Variants in ZRANB1 observed in about 807,000 individuals in gnomAD.
ZRANB1 encodes ubiquitin thioesterase ZRANB1.
Under a neutral mutation model 80.5 loss-of-function variants are expected in ZRANB1, and 16 were observed. The ratio of observed to expected loss-of-function variants is 0.20; its 90% CI spans 0.13 to 0.30. The LOEUF is 0.30. ZRANB1 is among the 10% of genes least tolerant of loss of function. The probability of loss-of-function intolerance (pLI) is 1.00; values close to 1 mark genes in which losing one functional copy is unlikely to be tolerated. For synonymous variants in ZRANB1, 291 were observed against 293.1 expected (o/e 0.99, Z 0.07); for missense variants, 576 against 862.6 (o/e 0.67, Z 4.16).
chr10:124,943,545 G>GTATA (rs756402215), intron 1 of ZRANB1, among the ~76,000 whole-genome samples: 1 of 149,674 alleles, frequency 6.7e-6, no homozygotes. Flanking sequence ...GTGTGTGTGT[G>GTATA]TATATATATA....
At chr10:124,981,970 C>A in intron 6 of ZRANB1, 141 bp downstream of exon 6, 1 of 936,838 alleles carries the variant, frequency 1.1e-6, no homozygotes, top group Non-Finnish European at 1.6e-6. Context: ...AACTTGGGTT[C>A]TAGTGATGAC....
intron 1 of ZRANB1, among the ~76,000 whole-genome samples, chr10:124,960,943 A>T (rs576979756): frequency 6.6e-6 from 1 of 152,216 alleles, no homozygotes; most frequent in South Asian, 2.1e-4. Context: ...TGGTTTTGGC[A>T]TACACTATTT....
At chr10:124,972,699 A>C (rs1951837295) in intron 3 of ZRANB1, among the ~76,000 whole-genome samples, 1 of 152,062 alleles carries the variant, frequency 6.6e-6, no homozygotes. Context: ...GTCAGTTGGC[A>C]TTGAATAAAT....
upstream of ZRANB1, among the ~76,000 whole-genome samples, chr10:124,940,702 G>A (rs1208801315): frequency 2.6e-5 from 4 of 152,092 alleles, no homozygotes; most frequent in Non-Finnish European, 4.4e-5. Flanking sequence ...TAGGCCAGGC[G>A]TGGTGGTTCA....
At chr10:124,962,500 T>G in intron 1 of ZRANB1, 1 of 684,448 alleles carries the variant, frequency 1.5e-6, no homozygotes, top group Non-Finnish European at 1.8e-6. Flanking sequence ...AAGGCAAAAC[T>G]TTGAAAACTG....
intron 5 of ZRANB1, among the ~76,000 whole-genome samples, chr10:124,976,921 G>C: frequency 6.6e-6 from 1 of 150,542 alleles, no homozygotes; most frequent in East Asian, 1.9e-4. Context: ...AAAGTACACT[G>C]TGGATTTTAG....
intron 1 of ZRANB1, among the ~76,000 whole-genome samples, chr10:124,958,696 G>A (rs554830049): frequency 1.3e-5 from 2 of 152,274 alleles, no homozygotes; most frequent in African/African-American, 4.8e-5. Context: ...TTCTTTATTA[G>A]CAACAGTTTG....
In ZRANB1 at chr10:124,942,854, C is replaced by G; in HGVS notation, c.361C>G (p.Gln121Glu). The G allele has an allele frequency of 3.1e-6, 5 of 1,614,234 alleles. No individual in the cohort carries two copies. Among genetic ancestry groups the G allele is most frequent in the Non-Finnish European group, 4.2e-6 (5 of 1,180,046 alleles). The change falls in exon 1 of 9, where the codon CAG (glutamine) becomes GAG (glutamate). Residue 121 changes from glutamine (Q) to glutamate (E), a missense_variant. Physicochemically the swap from Gln to Glu is conservative, Grantham distance 29. This residue lies in a region of ZRANB1 where 411 missense variants were observed against 583.1 expected (regional missense o/e 0.70). Coordinates refer to ENST00000359653, the MANE Select transcript of ZRANB1 (RefSeq NM_017580.3). Reference sequence around the variant, plus strand: ...GACCAGGAGTCCTACAGAATCTCCTCAGTCCTCAGGATCTGGCTCAAGACC... The same window carrying G: ...GACCAGGAGTCCTACAGAATCTCCTGAGTCCTCAGGATCTGGCTCAAGACC... Reference protein sequence around the residue: ...RRTRSPTESPQSSGSGSRPVA... With the variant: ...RRTRSPTESPESSGSGSRPVA...
the ZRANB1 span, among the ~76,000 whole-genome samples, chr10:124,925,030 C>T: frequency 4.6e-5 from 7 of 151,928 alleles, no homozygotes; most frequent in African/African-American, 1.7e-4. Context: ...GTCTCAGCTT[C>T]CTGAGTAGCT....
Position 124,949,496 on chromosome 10 carries a change from T to TAC in ZRANB1, c.814+6215_814+6216dup, listed in dbSNP as rs71964464. On this transcript the variant is annotated intron_variant, in intron 1 of 8. Coordinates refer to ENST00000359653, the MANE Select transcript of ZRANB1 (RefSeq NM_017580.3). The stretch of plus-strand genomic sequence containing the variant: ...ACATATATGTATATATATTCACGTA[T>TAC]ACACACACACACACACACACACACA... 6.3e-3 allele frequency among the ~76,000 whole-genome samples: 816 copies of TAC among 129,206 alleles called. 10 individuals carry two copies. Among genetic ancestry groups the TAC allele is most frequent in the African/African-American group, 0.017 (567 of 33,728 alleles). 84.8% of individuals were successfully genotyped at this position (129,206 alleles called of 152,430 possible). A position where few individuals can be genotyped will look rare whatever the true frequency, so the allele number is the denominator to read the frequency against.
chr10:124,979,191 G>T (rs767799304), intron 5 of ZRANB1, among the ~76,000 whole-genome samples: 25 of 152,172 alleles, frequency 1.6e-4, no homozygotes, highest in Non-Finnish European at 3.4e-4. Flanking sequence ...GAACTCCTGG[G>T]CTCAGGTGAT....
chr10:124,982,216 G>T (rs995013371), intron 6 of ZRANB1, among the ~76,000 whole-genome samples: 4 of 152,178 alleles, frequency 2.6e-5, no homozygotes, highest in Non-Finnish European at 5.9e-5. Context: ...GGTGAGCTCT[G>T]TTCTGTCTCT....
the ZRANB1 span, among the ~76,000 whole-genome samples, chr10:124,918,887 G>A: frequency 3.3e-5 from 5 of 152,152 alleles, no homozygotes; most frequent in African/African-American, 9.7e-5. Context: ...GGACAGTAAT[G>A]ACATTTTGCT....
At chr10:124,930,119 A>G in the ZRANB1 span, among the ~76,000 whole-genome samples, 2 of 152,262 alleles carry the variant, frequency 1.3e-5, no homozygotes, top group Admixed American at 6.5e-5. Flanking sequence ...TTAGCCCTCC[A>G]CTTAAAGATA....
chr10:124,947,100 A>AT (rs1401286629), intron 1 of ZRANB1, among the ~76,000 whole-genome samples: 2 of 152,242 alleles, frequency 1.3e-5, no homozygotes, highest in Non-Finnish European at 2.9e-5. Context: ...TCGAGCAAAC[A>AT]TATTGACATA....
Position 124,943,240 on chromosome 10 carries a change from TAAAA to T in ZRANB1, c.750_753del (p.Lys250AsnfsTer2). 6.2e-7 allele frequency: 1 copy of T among 1,614,142 alleles called. No homozygotes were observed. The highest frequency in any genetic ancestry group is 8.5e-7 in the Non-Finnish European group (1 of 1,180,022). The stretch of plus-strand genomic sequence containing the variant: ...GCAAGGAGGAACTTGAAGTAGACTT[TAAAA>T]AACTAAAGCAAATTAAAAACAGGAT... On this transcript the variant is annotated frameshift_variant, in exon 1 of 9. Coordinates refer to ENST00000359653, the MANE Select transcript of ZRANB1 (RefSeq NM_017580.3). LOFTEE classifies it high-confidence loss of function.
At chr10:124,916,981 GC>G in the ZRANB1 span, among the ~76,000 whole-genome samples, 1 of 151,944 alleles carries the variant, frequency 6.6e-6, no homozygotes, top group Non-Finnish European at 1.5e-5. Flanking sequence ...GCCCCCCGGG[GC>G]TCCCCAGTCT....
chr10:124,920,195 G>C, the ZRANB1 span, among the ~76,000 whole-genome samples: 1 of 152,150 alleles, frequency 6.6e-6, no homozygotes, highest in Admixed American at 6.5e-5. Flanking sequence ...CAGAGGCTGG[G>C]ATTACAGGCG....
At position 124,958,150 on chromosome 10, in the gene ZRANB1, G is replaced by A. The variant is rs549249094; in HGVS notation, c.815-8444G>A. ...TCTTTTTCACCAAATTTAGACATTT[G>A]TACTGACTTCTTGTAACGATCTTTG... On this transcript the variant is annotated intron_variant, in intron 1 of 8. Coordinates refer to ENST00000359653, the MANE Select transcript of ZRANB1 (RefSeq NM_017580.3). Among the ~76,000 whole-genome samples, 26 of 152,300 alleles carry A rather than the reference G, an allele frequency of 1.7e-4. 1 individual carries two copies. The highest frequency in any genetic ancestry group is 6.3e-4 in the African/African-American group (26 of 41,552).
Sources: allele counts gnomAD v4.1 joint callset (sites outside exome capture counted in the v4.1 genomes callset), GRCh38; gene constraint gnomAD v4.1.1; regional missense constraint gnomAD v4.1.1; transcripts MANE v1.5; gene names NCBI Gene and HGNC (gene_info 2026-07-23, HGNC 2026-07-21).